The following EEF2K variants were observed in gnomAD, a reference collection of about 807,000 sequenced individuals.
EEF2K encodes the protein eukaryotic elongation factor 2 kinase, also known as alternative protein EEF2K.
Under a neutral mutation model 93.8 loss-of-function variants are expected in EEF2K, and 70 were observed. That is an observed-to-expected ratio of 0.75 (90% confidence interval 0.62 to 0.91). EEF2K has a LOEUF of 0.91. Ranked by LOEUF, EEF2K falls within the 40% of genes least tolerant of loss-of-function variation. EEF2K has a pLI of 0.00. For missense variants in EEF2K, 935 were observed against 972.9 expected (o/e 0.96, Z 0.52); for synonymous variants, 376 against 380.8 (o/e 0.99, Z 0.15).
At chr16:22,283,851 G>A (rs749883250) in intron 17 of EEF2K, 36 bp from the exon 18 acceptor site, 3 of 1,551,494 alleles carry the variant, frequency 1.9e-6, no homozygotes, top group African/African-American at 2.7e-5. Context: ...ACAACAGGTG[G>A]TTCACCTCTT....
chr16:22,256,276 T>C (rs539723488), intron 6 of EEF2K, among the ~76,000 whole-genome samples: 1 of 152,258 alleles, frequency 6.6e-6, no homozygotes, highest in African/African-American at 2.4e-5. Context: ...TTTGTATTTT[T>C]GGTAGAGACA....
intron 3 of EEF2K, among the ~76,000 whole-genome samples, chr16:22,245,805 A>G (rs1044773854): frequency 2.0e-5 from 3 of 151,944 alleles, no homozygotes; most frequent in African/African-American, 4.8e-5. Flanking sequence ...AATTTAACCT[A>G]CTGTACCCTT....
chr16:22,278,995 G>A (rs189918486), intron 16 of EEF2K, among the ~76,000 whole-genome samples: 15 of 152,236 alleles, frequency 9.9e-5, no homozygotes, highest in Admixed American at 9.8e-4. Context: ...TGCCATTAGT[G>A]CAGATGGCTC....
chr16:22,242,423 C>G (rs1428568986), intron 2 of EEF2K, among the ~76,000 whole-genome samples: 1 of 151,782 alleles, frequency 6.6e-6, no homozygotes, highest in Non-Finnish European at 1.5e-5. Context: ...CTGGTTCAAG[C>G]GATTTTCCTG....
At chr16:22,240,969 C>T (rs548033502) in intron 2 of EEF2K, among the ~76,000 whole-genome samples, 3 of 151,904 alleles carry the variant, frequency 2.0e-5, no homozygotes, top group Non-Finnish European at 4.4e-5. Context: ...AGGGTTTTAC[C>T]ATGTTGGCCA....
chr16:22,225,899 A>G lies in EEF2K; in HGVS notation c.170A>G (p.Asn57Ser). 2.5e-6 allele frequency: 4 copies of G among 1,614,188 alleles called. 1 individual carries two copies. Among genetic ancestry groups the G allele is most frequent in the African/African-American group, 1.3e-5 (1 of 75,068 alleles). ...SSNQNVNSKV[N>S]KYYSNLTKSE... ...AACCAGAATGTCAATTCCAAGGTTAATAAGTACTACAGCAACCTAACAAAA... is the reference window on the plus strand; with the variant it reads ...AACCAGAATGTCAATTCCAAGGTTAGTAAGTACTACAGCAACCTAACAAAA... The change falls in exon 2 of 18, where the codon AAT (asparagine) becomes AGT (serine). Residue 57 changes from asparagine (N) to serine (S), a missense_variant. Coordinates refer to ENST00000263026, the MANE Select transcript of EEF2K (RefSeq NM_013302.5).
intron 1 of EEF2K, among the ~76,000 whole-genome samples, chr16:22,207,171 CAT>C (rs1434311573): frequency 1.3e-5 from 2 of 152,204 alleles, no homozygotes; most frequent in African/African-American, 2.4e-5. Flanking sequence ...GCGCTGCTGA[CAT>C]GTGTGCCAAG....
chr16:22,251,984 G>C (rs1465675895), intron 6 of EEF2K, among the ~76,000 whole-genome samples: 2 of 149,826 alleles, frequency 1.3e-5, no homozygotes, highest in South Asian at 4.2e-4. Flanking sequence ...TGTAGAGAAA[G>C]GGTTTTGCCA....
intron 5 of EEF2K, 74 bp downstream of exon 5, chr16:22,250,765 C>T: frequency 6.3e-7 from 1 of 1,592,562 alleles, no homozygotes. Context: ...GGCATTGGGA[C>T]ATTTTCAGCC....
chr16:22,257,923 C>T (rs965654898), intron 9 of EEF2K, among the ~76,000 whole-genome samples, 153 bp downstream of exon 9: 30 of 152,190 alleles, frequency 2.0e-4, no homozygotes, highest in African/African-American at 7.0e-4. Context: ...TGCCCCAGCC[C>T]GTCCCCTCCA....
At chr16:22,211,081 T>G (rs2046909386) in intron 1 of EEF2K, among the ~76,000 whole-genome samples, 1 of 152,180 alleles carries the variant, frequency 6.6e-6, no homozygotes, top group South Asian at 2.1e-4. Context: ...GAAATGTCCG[T>G]GGCCAGGCAG....
Position 22,264,837 on chromosome 16 carries a change from G to T in EEF2K, c.1397G>T (p.Arg466Leu). The change falls in exon 13 of 18, where the codon CGG (arginine) becomes CTG (leucine). Residue 466 changes from arginine (R) to leucine (L), a missense_variant. By Grantham distance (102) the Arg-to-Leu change is moderately radical. Coordinates refer to ENST00000263026, the MANE Select transcript of EEF2K (RefSeq NM_013302.5). ...GTTCAGGGCCACTCATACAGTAATC[G>T]GAAGTACGAGTCTGACGAAGACAGC... is the stretch of plus-strand genomic sequence containing the variant. ...PREHGHSYSN[R>L]KYESDEDSLG... is the part of the protein sequence containing the mutation. 6.2e-7 allele frequency: 1 copy of T among 1,613,958 alleles called. No homozygotes were observed. Among genetic ancestry groups the T allele is most frequent in the Non-Finnish European group, 8.5e-7 (1 of 1,179,908 alleles).
At chr16:22,238,147 G>A (rs1567269873) in intron 2 of EEF2K, among the ~76,000 whole-genome samples, 2 of 151,982 alleles carry the variant, frequency 1.3e-5, no homozygotes, top group South Asian at 4.1e-4. Context: ...AAAATTAGCC[G>A]GGTGTGGTGG....
chr16:22,211,852 T>G (rs1488535140), intron 1 of EEF2K, among the ~76,000 whole-genome samples: 1 of 152,122 alleles, frequency 6.6e-6, no homozygotes, highest in Non-Finnish European at 1.5e-5. Flanking sequence ...CAGCATGCAC[T>G]TGTGCATTTA....
chr16:22,250,617 C>T (rs767804760), intron 4 of EEF2K, 37 bp from the exon 5 acceptor site: 1 of 1,613,978 alleles, frequency 6.2e-7, no homozygotes, highest in East Asian at 2.2e-5. Flanking sequence ...TTGGGTGGGG[C>T]ATGGGGACTG....
At chr16:22,229,466 G>C (rs574903158) in intron 2 of EEF2K, among the ~76,000 whole-genome samples, 2 of 152,150 alleles carry the variant, frequency 1.3e-5, no homozygotes, top group Non-Finnish European at 2.9e-5. Context: ...TGTAATCCCA[G>C]CACGGGCAGG....
chr16:22,272,274 C>T (rs2047589506), intron 15 of EEF2K, among the ~76,000 whole-genome samples: 1 of 152,104 alleles, frequency 6.6e-6, no homozygotes, highest in South Asian at 2.1e-4. Context: ...AAATGGAAAA[C>T]AACCCAAATG....
Position 22,258,601 on chromosome 16 carries a change from C to T in EEF2K, c.1137C>T (p.Asn379=). The T allele has an allele frequency of 1.2e-6, 2 of 1,614,132 alleles. No individual in the cohort carries two copies. The highest frequency in any genetic ancestry group is 1.7e-6 in the Non-Finnish European group (2 of 1,180,016). The part of the protein sequence containing the change: ...RPPLLRPLSE[N]SGDENMSDVT... ...CCCTGCTCCGTCCCCTTTCAGAGAACTCTGGAGACGAGAACATGAGCGACG... is the reference window on the plus strand; with the variant it reads ...CCCTGCTCCGTCCCCTTTCAGAGAATTCTGGAGACGAGAACATGAGCGACG... Residue 379 remains asparagine (N), a synonymous_variant, in exon 10 of 18, where the codon AAC becomes AAT. Coordinates refer to ENST00000263026, the MANE Select transcript of EEF2K (RefSeq NM_013302.5).
At position 22,283,942 on chromosome 16, in the gene EEF2K, G is replaced by A; in HGVS notation, c.2124G>A (p.Leu708=). The A allele has an allele frequency of 1.3e-6, 2 of 1,599,350 alleles. No individual in the cohort carries two copies. Among genetic ancestry groups the A allele is most frequent in the South Asian group, 1.1e-5 (1 of 88,158 alleles). The change falls in exon 18 of 18, where the codon CTG becomes CTA. Residue 708 remains leucine, a synonymous_variant. Transcript: ENST00000263026. ...EAAMEAMKGR[L]ANQYYQKAEE... Reference sequence around the variant, plus strand: ...CGATGGAAGCCATGAAGGGCCGACTGGCCAACCAGTACTACCAAAAGGCTG... The same window carrying A: ...CGATGGAAGCCATGAAGGGCCGACTAGCCAACCAGTACTACCAAAAGGCTG...
Sources: gnomAD v4.1 joint callset for allele counts (sites outside exome capture counted in the v4.1 genomes callset) on GRCh38, gnomAD v4.1.1 for gene constraint, MANE v1.5 for transcripts, NCBI Gene and HGNC (gene_info 2026-07-23, HGNC 2026-07-21) for gene names.